The following ITSN1 variants were observed in gnomAD, a reference collection of about 807,000 sequenced individuals.
The protein encoded by ITSN1 is intersectin-1.
Under a neutral mutation model 239.8 loss-of-function variants are expected in ITSN1, and 58 were observed. That is an observed-to-expected ratio of 0.24 (90% CI 0.20 to 0.30). ITSN1 has a LOEUF of 0.30. ITSN1 is among the 10% of genes least tolerant of loss of function. The pLI, the probability that ITSN1 is intolerant of heterozygous loss-of-function variation, is 1.00. For synonymous variants in ITSN1, 780 were observed against 770.8 expected (o/e 1.01, Z -0.20); for missense variants, 1,558 against 2,103.3 (o/e 0.74, Z 5.07).
Position 33,888,270 on chromosome 21 carries a change from C to T in ITSN1, c.5136C>T (p.Arg1712=), listed in dbSNP as rs1203242949. 1.2e-6 allele frequency: 2 copies of T among 1,613,836 alleles called. No individual in the cohort carries two copies. Among genetic ancestry groups the T allele is most frequent in the African/African-American group, 2.7e-5 (2 of 74,922 alleles). ...HEVPTGEIVV[R]LDLQLFDEP ...TCCCCACGGGAGAGATTGTGGTCCGCTTGGACCTGCAGTTGTTTGATGAGC... is the reference window on the plus strand; with the variant it reads ...TCCCCACGGGAGAGATTGTGGTCCGTTTGGACCTGCAGTTGTTTGATGAGC... The change falls in exon 40 of 40, where the codon CGC becomes CGT. Residue 1712 remains arginine, a synonymous_variant. Transcript: ENST00000381318.
intron 9 of ITSN1, 148 bp downstream of exon 9, chr21:33,762,134 A>G (rs2068379274): frequency 3.0e-6 from 2 of 658,070 alleles, no homozygotes; most frequent in African/African-American, 1.8e-5. Flanking sequence ...TGCCTCTTTT[A>G]TAATACTATT....
chr21:33,684,334 C>T (rs1282089471), intron 1 of ITSN1, among the ~76,000 whole-genome samples: 1 of 152,072 alleles, frequency 6.6e-6, no homozygotes, highest in Non-Finnish European at 1.5e-5. Context: ...ATCTGAGTAC[C>T]GATTCACACT....
intron 29 of ITSN1, among the ~76,000 whole-genome samples, chr21:33,841,797 C>T (rs1381678248): frequency 6.6e-6 from 1 of 152,144 alleles, no homozygotes; most frequent in East Asian, 1.9e-4. Context: ...TGCCAATGGT[C>T]CCAAAAATGC....
rs929509964 is a variant in ITSN1 at position 33,882,542 on chromosome 21, G to A, written c.4554+87G>A. ...CAAAAAGGAGGTAGAGTTTTAGCAGGGTCAGGGGCTGTGGCATGCAGGAGA... is the reference window on the plus strand; with the variant it reads ...CAAAAAGGAGGTAGAGTTTTAGCAGAGTCAGGGGCTGTGGCATGCAGGAGA... On this transcript the variant is annotated intron_variant, in intron 35 of 39. Transcript: ENST00000381318. This position sits in a 1 kb window ranked among gnomAD's most constrained non-coding sequence, Gnocchi z 4.5. The A allele has an allele frequency of 5.2e-6, 6 of 1,146,714 alleles. No individual in the cohort carries two copies. The highest frequency in any genetic ancestry group is 6.3e-6 in the Non-Finnish European group (5 of 798,284). The allele number at this position is 1,146,714 out of a possible 1,614,324, so 71.0% of individuals were successfully genotyped here.
At chr21:33,873,861 G>A (rs1423045995) in intron 33 of ITSN1, among the ~76,000 whole-genome samples, 1 of 147,728 alleles carries the variant, frequency 6.8e-6, no homozygotes, top group Non-Finnish European at 1.5e-5. Flanking sequence ...GACAGAACGA[G>A]ACAAAAAGAA....
chr21:33,718,987 T>C (rs2065326948), intron 2 of ITSN1, 131 bp downstream of exon 2: 4 of 718,734 alleles, frequency 5.6e-6, no homozygotes, highest in Non-Finnish European at 9.5e-6. Flanking sequence ...CATCATATAG[T>C]TTCATTAATT....
At chr21:33,721,312 T>C (rs2065466371) in intron 3 of ITSN1, 42 bp downstream of exon 3, 1 of 1,217,928 alleles carries the variant, frequency 8.2e-7, no homozygotes. Context: ...TTATCAGTAG[T>C]GCAGATGTCT....
intron 1 of ITSN1, among the ~76,000 whole-genome samples, chr21:33,663,593 C>T (rs1447800034): frequency 6.6e-6 from 1 of 151,940 alleles, no homozygotes; most frequent in Non-Finnish European, 1.5e-5. Flanking sequence ...ACATACCTAA[C>T]CTGGTGATTA....
chr21:33,658,186 A>C (rs921749373), intron 1 of ITSN1, among the ~76,000 whole-genome samples: 1 of 152,228 alleles, frequency 6.6e-6, no homozygotes, highest in Non-Finnish European at 1.5e-5. Context: ...TATATTTACT[A>C]TTCATTAAGT....
chr21:33,700,951 CTGTGTGTGTGTGTGTGTGTGTG>C (rs72389168), intron 1 of ITSN1, among the ~76,000 whole-genome samples: 1 of 141,756 alleles, frequency 7.1e-6, no homozygotes, highest in Admixed American at 7.2e-5. Context: ...TTTCTTTTTT[CTGTGTGTGTGTGTGTGTGTGTG>C]TGTGTGTGTG....
intron 29 of ITSN1, among the ~76,000 whole-genome samples, chr21:33,842,464 A>T (rs1379306527): frequency 2.0e-5 from 3 of 151,988 alleles, no homozygotes; most frequent in Non-Finnish European, 4.4e-5. Flanking sequence ...AGAAGCTACC[A>T]GCTACCATGC....
intron 9 of ITSN1, 129 bp from the exon 10 acceptor site, chr21:33,765,746 C>A: frequency 1.1e-6 from 1 of 885,352 alleles, no homozygotes; most frequent in Non-Finnish European, 1.7e-6. Context: ...ACTATTTTGA[C>A]AAAATGAGGG....
Position 33,891,180 on chromosome 21 carries a change from C to T in ITSN1, c.*2880C>T, listed in dbSNP as rs573126043. ...TGACCATGAGAGCCTGAAGATGTGG[C>T]TCATTCGGATCCAGGCCTGGACTAA... On this transcript the variant is annotated 3_prime_UTR_variant, in exon 40 of 40. Transcript: ENST00000381318. 1 of 152,342 alleles carries T rather than the reference C, an allele frequency of 6.6e-6. No homozygotes were observed. Among genetic ancestry groups the T allele is most frequent in the Admixed American group, 6.5e-5 (1 of 15,306 alleles). The allele number at this position is 152,342 out of a possible 1,614,324, so 9.4% of individuals were successfully genotyped here.
intron 8 of ITSN1, among the ~76,000 whole-genome samples, chr21:33,759,992 A>G (rs1218909099): frequency 6.6e-6 from 1 of 152,086 alleles, no homozygotes; most frequent in African/African-American, 2.4e-5. Flanking sequence ...AGTCCCAGCT[A>G]TTCAGGAGGC....
At chr21:33,764,600 T>G (rs73199863) in intron 9 of ITSN1, among the ~76,000 whole-genome samples, 1 of 152,298 alleles carries the variant, frequency 6.6e-6, no homozygotes, top group Non-Finnish European at 1.5e-5. Context: ...GTGGTTCATG[T>G]TTGTCAAAAC....
chr21:33,750,270 G>T lies in ITSN1; in HGVS notation c.474G>T (p.Leu158=). The T allele has an allele frequency of 6.2e-7, 1 of 1,613,880 alleles. No individual in the cohort carries two copies. The highest frequency in any genetic ancestry group is 8.5e-7 in the Non-Finnish European group (1 of 1,180,026). The part of the protein sequence containing the change: ...SSVPTAAVPP[L]ANGAPPVIQP... ...TTCCCACAGCAGCTGTGCCCCCCCT[G>T]GCTAACGGGGCTCCCCCTGTTATAC... Residue 158 remains leucine (L), a synonymous_variant, in exon 6 of 40, where the codon CTG becomes CTT. Coordinates refer to ENST00000381318, the MANE Select transcript of ITSN1 (RefSeq NM_003024.3).
At chr21:33,705,512 C>T (rs891787686) in intron 1 of ITSN1, among the ~76,000 whole-genome samples, 2 of 152,004 alleles carry the variant, frequency 1.3e-5, no homozygotes, top group Non-Finnish European at 1.5e-5. Flanking sequence ...CTCAGCTTCC[C>T]GAGTAGCTGC....
At chr21:33,813,874 G>C in intron 21 of ITSN1, 39 bp from the exon 22 acceptor site, 1 of 1,599,684 alleles carries the variant, frequency 6.3e-7, no homozygotes, top group Non-Finnish European at 8.5e-7. Context: ...GTATATTAGG[G>C]AGTGCTTGTT....
intron 18 of ITSN1, 114 bp from the exon 19 acceptor site, chr21:33,799,694 G>C (rs1602305675): frequency 8.7e-7 from 1 of 1,152,558 alleles, no homozygotes; most frequent in South Asian, 1.6e-5. Flanking sequence ...GAGGGAAATA[G>C]TTCAGAGGTT....
Sources: gnomAD v4.1 joint callset for allele counts (sites outside exome capture counted in the v4.1 genomes callset) on GRCh38, gnomAD v4.1.1 for gene constraint, Gnocchi (gnomAD v3.1) non-coding constraint, MANE v1.5 for transcripts, NCBI Gene and HGNC (gene_info 2026-07-23, HGNC 2026-07-21) for gene names.